Variants in CUL1 observed in about 807,000 individuals in gnomAD.
The protein encoded by CUL1 is cullin-1.
Under a neutral mutation model 118.0 loss-of-function variants are expected in CUL1, and 24 were observed. The observed-to-expected ratio is 0.20, with a 90% CI of 0.15 to 0.29. The LOEUF (loss-of-function observed/expected upper bound fraction) is 0.29. CUL1 is among the 10% of genes least tolerant of loss of function. The pLI, the probability that CUL1 is intolerant of heterozygous loss-of-function variation, is 1.00. For synonymous variants in CUL1, 332 were observed against 340.4 expected, an observed-to-expected ratio of 0.98 and a Z score of 0.27; for missense variants, 361 against 933.8, an observed-to-expected ratio of 0.39 and a Z score of 7.99.
At chr7:148,769,450 A>ACACACAC (rs1554471403) in intron 9 of CUL1, among the ~76,000 whole-genome samples, 29 of 104,886 alleles carry the variant, frequency 2.8e-4, no homozygotes, top group Admixed American at 2.1e-3. Flanking sequence ...CACACACACA[A>ACACACAC]AACGCTCACC....
At chr7:148,796,260 G>A (rs1801194775) in intron 17 of CUL1, among the ~76,000 whole-genome samples, 1 of 152,148 alleles carries the variant, frequency 6.6e-6, no homozygotes, top group Non-Finnish European at 1.5e-5. Context: ...TTTTTTGTCT[G>A]TTAATATGGT....
Position 148,730,061 on chromosome 7 carries a change from G to A in CUL1, c.-62G>A. The A allele has an allele frequency of 2.9e-5, 45 of 1,545,350 alleles. 2 individuals are homozygous for A. The South Asian group carries it at 5.5e-4, about 19-fold the overall frequency. ...TGGTACTGTATATTTTCATCTAATG[G>A]AGAACTAGCTGTACTTTGAATAAGG... On this transcript the variant is annotated 5_prime_UTR_variant, in exon 2 of 22. Coordinates refer to ENST00000325222, the MANE Select transcript of CUL1 (RefSeq NM_003592.3).
At chr7:148,721,849 A>G (rs1333297888) in intron 1 of CUL1, among the ~76,000 whole-genome samples, 2 of 151,938 alleles carry the variant, frequency 1.3e-5, no homozygotes, top group East Asian at 1.9e-4. Flanking sequence ...CTGTTGGTGG[A>G]CATGTGGGTT....
chr7:148,778,097 AGAAG>A (rs1477220403), intron 9 of CUL1, among the ~76,000 whole-genome samples: 17 of 58,386 alleles, frequency 2.9e-4, no homozygotes, highest in African/African-American at 1.3e-3. Context: ...AAAAAAAAAA[AGAAG>A]AAGAAGAAGA....
chr7:148,797,893 A>C, intron 18 of CUL1, 34 bp downstream of exon 18: 1 of 1,610,236 alleles, frequency 6.2e-7, no homozygotes, highest in Non-Finnish European at 8.5e-7. Context: ...ACACTAGAAG[A>C]AGCCTTTTCC....
In CUL1 at chr7:148,787,344, C is replaced by T. The variant is rs1424861048; in HGVS notation, c.1479+224C>T. Among the ~76,000 whole-genome samples, 2 of 151,994 alleles carry T rather than the reference C, an allele frequency of 1.3e-5. No homozygotes were observed. Among genetic ancestry groups the T allele is most frequent in the African/African-American group, 4.8e-5 (2 of 41,378 alleles). ...GGGCATGGTGGTGGGCGCCTGTAGT[C>T]CCAGCTACTTGGGAGGCTGAGGCAG... is the stretch of plus-strand genomic sequence containing the variant. On this transcript the variant is annotated intron_variant, in intron 13 of 21. Coordinates refer to ENST00000325222, the MANE Select transcript of CUL1 (RefSeq NM_003592.3). The surrounding 1 kb of genome is among the most constrained non-coding windows in gnomAD (Gnocchi z 5.5).
At chr7:148,784,820 C>CA (rs1800764345) in intron 11 of CUL1, among the ~76,000 whole-genome samples, 2 of 152,000 alleles carry the variant, frequency 1.3e-5, no homozygotes. Flanking sequence ...AACCCCGATA[C>CA]AAAAAAGACC....
Position 148,776,094 on chromosome 7 carries a change from C to G in CUL1, c.1084-7689C>G, listed in dbSNP as rs932357963. ...AGATGTCATAATTCGTCAGTCCTACCCTTTTCTACAGGCTGAATTTTTAAT... is the reference window on the plus strand; with the variant it reads ...AGATGTCATAATTCGTCAGTCCTACGCTTTTCTACAGGCTGAATTTTTAAT... On this transcript the variant is annotated intron_variant, in intron 9 of 21. Coordinates refer to ENST00000325222, the MANE Select transcript of CUL1 (RefSeq NM_003592.3). Among the ~76,000 whole-genome samples, 3 of 151,780 alleles carry G rather than the reference C, an allele frequency of 2.0e-5. No homozygotes were observed. The East Asian group carries it at 5.8e-4, about 29-fold the overall frequency.
chr7:148,800,821 C>A lies in CUL1; in HGVS notation c.*239C>A. 1 of 428,890 alleles carries A rather than the reference C, an allele frequency of 2.3e-6. No homozygotes were observed. The highest frequency in any genetic ancestry group is 4.2e-6 in the Non-Finnish European group (1 of 237,478). 26.6% of individuals were successfully genotyped at this position (428,890 alleles called of 1,614,324 possible). A position where few individuals can be genotyped will look rare whatever the true frequency, so the allele number is the denominator to read the frequency against. ...TACCCTAATTTAAGAACAGCGGGGACTGACCCTCCGTGCCGAGGGCTGCAT... is the reference window on the plus strand; with the variant it reads ...TACCCTAATTTAAGAACAGCGGGGAATGACCCTCCGTGCCGAGGGCTGCAT... On this transcript the variant is annotated 3_prime_UTR_variant, in exon 22 of 22. Coordinates refer to ENST00000325222, the MANE Select transcript of CUL1 (RefSeq NM_003592.3). The surrounding 1 kb of genome is among the most constrained non-coding windows in gnomAD (Gnocchi z 4.6).
chr7:148,759,536 T>A lies in CUL1; in HGVS notation c.535-12T>A, dbSNP rs1799772965. 5 of 1,560,556 alleles carry A rather than the reference T, an allele frequency of 3.2e-6. No homozygotes were observed. Among genetic ancestry groups the A allele is most frequent in the Non-Finnish European group, 4.4e-6 (5 of 1,137,362 alleles). ...ATAACCTGTGTAATATTTTTCTACA[T>A]CCTTTCTAAAGGTAACAAATGCTGT... On this transcript the variant is annotated splice_polypyrimidine_tract_variant and intron_variant, in intron 5 of 21. Coordinates refer to ENST00000325222, the MANE Select transcript of CUL1 (RefSeq NM_003592.3).
At chr7:148,748,709 G>A (rs1203111959) in intron 2 of CUL1, among the ~76,000 whole-genome samples, 3 of 152,084 alleles carry the variant, frequency 2.0e-5, no homozygotes. Context: ...AGGCACATGT[G>A]AAATAATGGC....
At chr7:148,795,676 G>A (rs906869780) in intron 17 of CUL1, among the ~76,000 whole-genome samples, 6 of 151,116 alleles carry the variant, frequency 4.0e-5, no homozygotes, top group African/African-American at 7.3e-5. Flanking sequence ...AGGCTGAGGC[G>A]AGAGAATGGT....
intron 2 of CUL1, among the ~76,000 whole-genome samples, chr7:148,732,499 G>A (rs771286098): frequency 2.2e-4 from 34 of 151,418 alleles, no homozygotes; most frequent in Non-Finnish European, 3.1e-4. Context: ...GCACCATCAT[G>A]CCCGGCTAAT....
intron 2 of CUL1, among the ~76,000 whole-genome samples, chr7:148,744,397 AGTGTGT>A (rs56093418): frequency 0.13 from 18,277 of 143,906 alleles, 1,153 homozygotes; most frequent in African/African-American, 0.13. Context: ...TTGTTTCTGC[AGTGTGT>A]GTGTGTGTGT....
intron 1 of CUL1, among the ~76,000 whole-genome samples, chr7:148,705,542 G>T (rs773756371): frequency 6.6e-6 from 1 of 152,106 alleles, no homozygotes; most frequent in Admixed American, 6.5e-5. Flanking sequence ...TTGCTATGTC[G>T]AAATTAATTA....
chr7:148,769,133 C>G (rs1335992022), intron 9 of CUL1, among the ~76,000 whole-genome samples: 1 of 151,982 alleles, frequency 6.6e-6, no homozygotes, highest in Admixed American at 6.6e-5. Flanking sequence ...GCTATCTCAC[C>G]CTTGGCGAGT....
chr7:148,762,929 C>G (rs910796312), intron 7 of CUL1, among the ~76,000 whole-genome samples: 3 of 152,190 alleles, frequency 2.0e-5, no homozygotes, highest in Non-Finnish European at 4.4e-5. Flanking sequence ...GGCAGATTGC[C>G]TGAGGTCGGG....
At chr7:148,702,557 A>T (rs1012475271) in intron 1 of CUL1, among the ~76,000 whole-genome samples, 1 of 152,206 alleles carries the variant, frequency 6.6e-6, no homozygotes, top group Non-Finnish European at 1.5e-5. Flanking sequence ...GTGAAGCCTA[A>T]GTTTGATAGT....
intron 17 of CUL1, among the ~76,000 whole-genome samples, chr7:148,794,767 G>A (rs1351863757): frequency 6.6e-6 from 1 of 152,166 alleles, no homozygotes; most frequent in Non-Finnish European, 1.5e-5. Context: ...TTCAGTGTAT[G>A]CATCTTCTAC....
Sources: gnomAD v4.1 joint callset for allele counts (sites outside exome capture counted in the v4.1 genomes callset) on GRCh38, gnomAD v4.1.1 for gene constraint, Gnocchi (gnomAD v3.1) non-coding constraint, MANE v1.5 for transcripts, NCBI Gene and HGNC (gene_info 2026-07-23, HGNC 2026-07-21) for gene names.